AFDN: variants seen among roughly 807,000 people sequenced by gnomAD.
The protein encoded by AFDN is afadin.
Under a neutral mutation model 216.6 loss-of-function variants are expected in AFDN, and 68 were observed. The ratio of observed to expected loss-of-function variants is 0.31; its 90% CI spans 0.26 to 0.38. The LOEUF (loss-of-function observed/expected upper bound fraction) is 0.38, where lower values mean the gene tolerates loss of function less well. AFDN is among the 10% of genes least tolerant of loss of function. The pLI, the probability that AFDN is intolerant of heterozygous loss-of-function variation, is 1.00. For missense variants in AFDN, 2,136 were observed against 2,342.0 expected (o/e 0.91, Z 1.82); for synonymous variants, 868 against 853.7 (o/e 1.02, Z -0.29).
Position 167,880,438 on chromosome 6 carries a change from C to G in AFDN, c.818C>G (p.Pro273Arg), listed in dbSNP as rs780238797. 1.2e-6 allele frequency: 2 copies of G among 1,613,730 alleles called. No individual in the cohort carries two copies. The highest frequency in any genetic ancestry group is 2.7e-5 in the African/African-American group (2 of 74,914). The change falls in exon 6 of 34, where the codon CCT becomes CGT. Residue 273 changes from proline (P) to arginine (R), a missense_variant. Physicochemically the swap from Pro to Arg is moderately radical, Grantham distance 103. Coordinates refer to ENST00000683244, the MANE Select transcript of AFDN (RefSeq NM_001386888.1). ...YKTILLSTTD[P>R]ADFAVAEALE... ...ACAATCCTGCTGTCTACTACAGATCCTGCAGACTTTGCTGTGGCTGAAGCT... is the reference window on the plus strand; with the variant it reads ...ACAATCCTGCTGTCTACTACAGATCGTGCAGACTTTGCTGTGGCTGAAGCT...
chr6:167,944,338 G>A lies in AFDN; in HGVS notation c.3358+279G>A, dbSNP rs771196028. Among the ~76,000 whole-genome samples the A allele has an allele frequency of 3.3e-5, 5 of 152,020 alleles. No individual in the cohort carries two copies. The South Asian group carries it at 6.2e-4, about 19-fold the overall frequency. ...ACTGCTGGTGAGCTTCCATAGGCCCGGCACATAGTAGGTGCTCAGTAGAGA... is the reference window on the plus strand; with the variant it reads ...ACTGCTGGTGAGCTTCCATAGGCCCAGCACATAGTAGGTGCTCAGTAGAGA... On this transcript the variant is annotated intron_variant, in intron 26 of 33. Coordinates refer to ENST00000683244, the MANE Select transcript of AFDN (RefSeq NM_001386888.1).
chr6:167,961,523 A>G (rs1797035608), intron 30 of AFDN, among the ~76,000 whole-genome samples: 1 of 152,250 alleles, frequency 6.6e-6, no homozygotes, highest in Non-Finnish European at 1.5e-5. Context: ...TAAAGGAGCT[A>G]AAAATTGAAA....
Position 167,864,696 on chromosome 6 carries a change from G to A in AFDN, c.251G>A (p.Arg84Gln). 5.0e-6 allele frequency: 8 copies of A among 1,614,178 alleles called. No individual in the cohort carries two copies. The highest frequency in any genetic ancestry group is 6.8e-6 in the Non-Finnish European group (8 of 1,180,026). The change falls in exon 2 of 34, where the codon CGA becomes CAA. Residue 84 changes from arginine to glutamine, a missense_variant. Arg to Gln is a conservative substitution (Grantham distance 43). Transcript: ENST00000683244. ...TLAEKFRPDM[R>Q]MLSSPKYSLY... ...GCGGAGAAATTTCGACCTGATATGC[G>A]AATGCTGTCCTCTCCCAAGTATTCA...
chr6:167,948,009 TC>T, intron 28 of AFDN, 65 bp downstream of exon 28: 1 of 1,175,740 alleles, frequency 8.5e-7, no homozygotes, highest in Non-Finnish European at 1.3e-6. Context: ...CCTTTGGACA[TC>T]TCAGTTATCT....
chr6:167,898,741 C>A (rs1404875228), intron 11 of AFDN, among the ~76,000 whole-genome samples: 1 of 151,976 alleles, frequency 6.6e-6, no homozygotes, highest in Admixed American at 6.6e-5. Flanking sequence ...AGTACCTTTT[C>A]TTTTGTGAAA....
chr6:167,917,046 C>T, intron 19 of AFDN, 43 bp from the exon 20 acceptor site: 1 of 1,562,002 alleles, frequency 6.4e-7, no homozygotes, highest in Non-Finnish European at 8.7e-7. Flanking sequence ...TTTGAAATAA[C>T]TTTACAAGTG....
At chr6:167,967,241 C>A (rs1004795257) in intron 32 of AFDN, among the ~76,000 whole-genome samples, 3 of 152,170 alleles carry the variant, frequency 2.0e-5, no homozygotes, top group African/African-American at 7.2e-5. Flanking sequence ...TCTGCATAAG[C>A]AATGCATGGG....
At chr6:167,895,316 G>A (rs1367395663) in intron 9 of AFDN, among the ~76,000 whole-genome samples, 1 of 152,158 alleles carries the variant, frequency 6.6e-6, no homozygotes, top group Non-Finnish European at 1.5e-5. Flanking sequence ...ACACAAAATA[G>A]TAAACATTAC....
At chr6:167,884,238 C>T (rs896218789) in intron 6 of AFDN, among the ~76,000 whole-genome samples, 4 of 152,176 alleles carry the variant, frequency 2.6e-5, no homozygotes, top group African/African-American at 9.7e-5. Flanking sequence ...AAGTCTTGAA[C>T]AGCTCCAAAT....
intron 13 of AFDN, 44 bp from the exon 14 acceptor site, chr6:167,911,057 G>A (rs1790318996): frequency 6.5e-7 from 1 of 1,534,006 alleles, no homozygotes; most frequent in Non-Finnish European, 8.9e-7. Flanking sequence ...AATATTGTTA[G>A]CCATGTGACC....
At chr6:167,908,015 C>G (rs1789926599) in intron 13 of AFDN, among the ~76,000 whole-genome samples, 3 of 152,212 alleles carry the variant, frequency 2.0e-5, no homozygotes, top group Non-Finnish European at 1.5e-5. Flanking sequence ...ACCTCTACCC[C>G]AGAGCTCTGC....
At chr6:167,853,460 A>G (rs1268891082) in intron 1 of AFDN, among the ~76,000 whole-genome samples, 1 of 152,050 alleles carries the variant, frequency 6.6e-6, no homozygotes, top group Non-Finnish European at 1.5e-5. Context: ...CTCAGAAAAA[A>G]ATCTTTTTTC....
At chr6:167,879,011 A>G (rs145853331) in intron 5 of AFDN, among the ~76,000 whole-genome samples, 3,362 of 152,246 alleles carry the variant, frequency 0.022, 60 homozygotes, top group Non-Finnish European at 0.033. Flanking sequence ...TCACTATTTT[A>G]AAGGTATTTA....
At position 167,951,106 on chromosome 6, in the gene AFDN, GTC is replaced by G; in HGVS notation, c.3832-78_3832-77del. ...ACACTGATTTAACAGTTTTTCTTCTGTCTGAAGATAAAATGTTTGTGGATATT... is the reference window on the plus strand; with the variant it reads ...ACACTGATTTAACAGTTTTTCTTCTGTGAAGATAAAATGTTTGTGGATATT... On this transcript the variant is annotated intron_variant, in intron 29 of 33. Coordinates refer to ENST00000683244, the MANE Select transcript of AFDN (RefSeq NM_001386888.1). The surrounding 1 kb of genome is among the most constrained non-coding windows in gnomAD (Gnocchi z 7.1). 1.4e-6 allele frequency: 2 copies of G among 1,464,408 alleles called. No homozygotes were observed. The highest frequency in any genetic ancestry group is 1.8e-6 in the Non-Finnish European group (2 of 1,109,926). The allele number at this position is 1,464,408 out of a possible 1,614,324, so 90.7% of individuals were successfully genotyped here.
chr6:167,926,770 T>C (rs1006811438), intron 23 of AFDN, among the ~76,000 whole-genome samples: 3 of 152,124 alleles, frequency 2.0e-5, no homozygotes, highest in Non-Finnish European at 1.5e-5. Context: ...CTCTGTCCCC[T>C]AAATCAGGGT....
chr6:167,930,213 A>G (rs1562693499), intron 23 of AFDN, among the ~76,000 whole-genome samples: 1 of 152,162 alleles, frequency 6.6e-6, no homozygotes. Flanking sequence ...TCATAATAAC[A>G]ATAATAAAAT....
intron 13 of AFDN, among the ~76,000 whole-genome samples, chr6:167,908,157 A>G (rs1233213893): frequency 6.6e-6 from 1 of 152,242 alleles, no homozygotes; most frequent in Non-Finnish European, 1.5e-5. Flanking sequence ...TGTTTCCTTC[A>G]AAGATCCAGT....
chr6:167,952,898 T>A (rs1044756434), intron 30 of AFDN, among the ~76,000 whole-genome samples: 2 of 152,254 alleles, frequency 1.3e-5, no homozygotes, highest in African/African-American at 4.8e-5. Context: ...TTTATTCTTA[T>A]TTCTCCACAG....
At chr6:167,969,691 A>G in intron 33 of AFDN, 91 bp from the exon 34 acceptor site, 1 of 1,257,382 alleles carries the variant, frequency 8.0e-7, no homozygotes, top group East Asian at 2.4e-5. Flanking sequence ...AATGAGTGAA[A>G]ATTTTAATCG....
Sources: gnomAD v4.1 joint callset for allele counts (sites outside exome capture counted in the v4.1 genomes callset) on GRCh38, gnomAD v4.1.1 for gene constraint, Gnocchi (gnomAD v3.1) non-coding constraint, MANE v1.5 for transcripts, NCBI Gene and HGNC (gene_info 2026-07-23, HGNC 2026-07-21) for gene names.